HLCS: variants seen among roughly 807,000 people sequenced by gnomAD.
The protein encoded by HLCS is holocarboxylase synthetase, also known as biotin--protein ligase.
Under a neutral mutation model 75.0 loss-of-function variants are expected in HLCS, and 53 were observed. The ratio of observed to expected loss-of-function variants is 0.71; its 90% CI spans 0.57 to 0.89. The LOEUF (loss-of-function observed/expected upper bound fraction) is 0.89, where lower values mean the gene tolerates loss of function less well. HLCS is among the 40% of genes least tolerant of loss of function. The probability of loss-of-function intolerance (pLI) is 0.00; values close to 1 mark genes in which losing one functional copy is unlikely to be tolerated. For missense variants in HLCS, 966 were observed against 1,074.0 expected (o/e 0.90, Z 1.41); for synonymous variants, 431 against 428.6 (o/e 1.01, Z -0.07).
chr21:36,805,120 C>T lies in HLCS; in HGVS notation c.1893-37835G>A, dbSNP rs144434590. ...GTCTCAGTGCATGGCTAGCCCTAGG[C>T]GATGCCAGAAACATGACGACATAAG... On this transcript the variant is annotated intron_variant, in intron 6 of 10. Transcript: ENST00000674895. Among the ~76,000 whole-genome samples, 63 of 152,150 alleles carry T rather than the reference C, an allele frequency of 4.1e-4. No homozygotes were observed. In the East Asian group the frequency reaches 0.01, roughly 25 times the overall value.
intron 6 of HLCS, among the ~76,000 whole-genome samples, chr21:36,881,868 G>T (rs1422191975): frequency 1.3e-5 from 2 of 152,156 alleles, no homozygotes; most frequent in East Asian, 3.9e-4. Context: ...TACAGGCATG[G>T]TGGCACGTGC....
At chr21:36,761,513 C>G (rs2089843870) in intron 8 of HLCS, among the ~76,000 whole-genome samples, 1 of 152,150 alleles carries the variant, frequency 6.6e-6, no homozygotes, top group East Asian at 1.9e-4. Context: ...TCTTTTCTCT[C>G]TAGAACGGGG....
chr21:36,880,870 C>T (rs1036365993), intron 6 of HLCS, among the ~76,000 whole-genome samples: 2 of 152,156 alleles, frequency 1.3e-5, no homozygotes, highest in Non-Finnish European at 1.5e-5. Flanking sequence ...GGGCATTTTC[C>T]ACCACAGCTG....
Position 36,778,205 on chromosome 21 carries a change from G to A in HLCS, c.1893-10920C>T, listed in dbSNP as rs564429640. On this transcript the variant is annotated intron_variant, in intron 6 of 10. Coordinates refer to ENST00000674895, the MANE Select transcript of HLCS (RefSeq NM_001352514.2). ...AGGATGGTCTTGATCTCCTGCCCTT[G>A]TGATCCGCCCACCTCTGCCTCCCAA... is the stretch of plus-strand genomic sequence containing the variant. 1.4e-3 allele frequency among the ~76,000 whole-genome samples: 215 copies of A among 152,186 alleles called. 2 individuals carry two copies. Among genetic ancestry groups the A allele is most frequent in the Non-Finnish European group, 1.7e-3 (114 of 68,012 alleles).
chr21:36,868,749 C>T (rs2835514), intron 6 of HLCS, among the ~76,000 whole-genome samples: 13 of 152,078 alleles, frequency 8.5e-5, no homozygotes, highest in Non-Finnish European at 1.3e-4. Context: ...TTTGTCCCCA[C>T]GGAGCGTTGT....
chr21:36,777,492 T>C lies in HLCS; in HGVS notation c.1893-10207A>G, dbSNP rs950847353. On this transcript the variant is annotated intron_variant, in intron 6 of 10. Transcript: ENST00000674895. ...TAGAGTGTATTCAAATTGTGTCCAT[T>C]GTCCTAGTAATAATGCTCTTTTTTT... Among the ~76,000 whole-genome samples, 4 of 152,276 alleles carry C rather than the reference T, an allele frequency of 2.6e-5. No homozygotes were observed. In the East Asian group the frequency reaches 5.8e-4, roughly 22 times the overall value.
chr21:36,841,433 T>C (rs1269653987), intron 6 of HLCS, among the ~76,000 whole-genome samples: 1 of 152,092 alleles, frequency 6.6e-6, no homozygotes, highest in Non-Finnish European at 1.5e-5. Flanking sequence ...AATGCTATGG[T>C]CATGTGAGGT....
intron 4 of HLCS, 107 bp from the exon 5 acceptor site, chr21:36,930,540 T>C (rs1316182468): frequency 1.1e-6 from 1 of 951,720 alleles, no homozygotes; most frequent in African/African-American, 1.7e-5. Context: ...AGACAGGATC[T>C]CATTATGTTG....
chr21:36,757,068 A>AG (rs1239980762), intron 9 of HLCS: 4 of 467,212 alleles, frequency 8.6e-6, no homozygotes, highest in Non-Finnish European at 1.1e-5. Flanking sequence ...AAAACGTATC[A>AG]GTGTTGCCTC....
intron 6 of HLCS, among the ~76,000 whole-genome samples, chr21:36,860,256 A>G (rs1488770870): frequency 2.0e-5 from 3 of 152,138 alleles, no homozygotes; most frequent in Admixed American, 6.5e-5. Context: ...ACCTCCCCCA[A>G]GGTCAGCCAG....
chr21:36,951,320 G>A (rs181549363), intron 2 of HLCS, among the ~76,000 whole-genome samples: 72 of 152,302 alleles, frequency 4.7e-4, no homozygotes, highest in Non-Finnish European at 2.6e-4. Context: ...GACTCCAAAT[G>A]TACTGAGCTG....
intron 6 of HLCS, among the ~76,000 whole-genome samples, chr21:36,891,273 T>C (rs1349807355): frequency 6.6e-6 from 1 of 152,238 alleles, no homozygotes; most frequent in East Asian, 1.9e-4. Context: ...GCTGGGTCCT[T>C]GACACGTGAG....
chr21:36,759,177 G>A (rs756282107), intron 9 of HLCS: 1 of 471,114 alleles, frequency 2.1e-6, no homozygotes, highest in Non-Finnish European at 4.4e-6. Context: ...ACAGAGTGAG[G>A]CTGATGACTG....
intron 5 of HLCS, among the ~76,000 whole-genome samples, chr21:36,913,006 G>A (rs915539597): frequency 1.3e-5 from 2 of 152,184 alleles, no homozygotes; most frequent in South Asian, 2.1e-4. Flanking sequence ...TACAACAAGA[G>A]TATGAAAGCC....
At chr21:36,860,856 G>A (rs982879094) in intron 6 of HLCS, among the ~76,000 whole-genome samples, 2 of 152,186 alleles carry the variant, frequency 1.3e-5, no homozygotes, top group African/African-American at 4.8e-5. Context: ...TCCACAGTAG[G>A]AGGCACTTAT....
intron 6 of HLCS, among the ~76,000 whole-genome samples, chr21:36,868,614 T>C (rs2063655591): frequency 6.6e-6 from 1 of 151,834 alleles, no homozygotes; most frequent in Non-Finnish European, 1.5e-5. Flanking sequence ...AATATATCTT[T>C]CCATAAAATA....
At chr21:36,772,156 TTCTC>T (rs142479004) in intron 6 of HLCS, among the ~76,000 whole-genome samples, 2 of 152,176 alleles carry the variant, frequency 1.3e-5, no homozygotes, top group Admixed American at 1.3e-4. Context: ...CTTTTAGAAT[TTCTC>T]TCTTTTTAGA....
chr21:36,861,024 T>C (rs555856896), intron 6 of HLCS, among the ~76,000 whole-genome samples: 4 of 152,340 alleles, frequency 2.6e-5, no homozygotes, highest in African/African-American at 9.6e-5. Context: ...GGTGGTTATG[T>C]TGACAGAAAA....
At chr21:36,794,530 G>A (rs1454187029) in intron 6 of HLCS, among the ~76,000 whole-genome samples, 2 of 152,200 alleles carry the variant, frequency 1.3e-5, no homozygotes, top group Admixed American at 6.5e-5. Flanking sequence ...CACTCTGTGC[G>A]TATGGGGTTG....
Sources: gnomAD v4.1 joint callset for allele counts (sites outside exome capture counted in the v4.1 genomes callset) on GRCh38, gnomAD v4.1.1 for gene constraint, MANE v1.5 for transcripts, NCBI Gene and HGNC (gene_info 2026-07-23, HGNC 2026-07-21) for gene names.